GABRA2: variants seen among roughly 807,000 people sequenced by gnomAD.
GABRA2 encodes the protein gamma-aminobutyric acid type A receptor subunit alpha2, also known as gamma-aminobutyric acid receptor subunit alpha-2.
GABRA2 carries 16 observed loss-of-function variants against 48.7 expected under a neutral mutation model. The observed-to-expected ratio is 0.33, with a 90% CI of 0.22 to 0.50. The LOEUF is 0.50. GABRA2 is among the 20% of genes least tolerant of loss of function. The pLI is 0.98. For synonymous variants in GABRA2, 185 were observed against 184.5 expected, an observed-to-expected ratio of 1.00 and a Z score of -0.02; for missense variants, 275 against 535.6, an observed-to-expected ratio of 0.51 and a Z score of 4.80.
At chr4:46,267,383 G>A (rs1336942263) in intron 8 of GABRA2, among the ~76,000 whole-genome samples, 1 of 151,970 alleles carries the variant, frequency 6.6e-6, no homozygotes, top group African/African-American at 2.4e-5. Flanking sequence ...TCTTTCGACA[G>A]GGTCTCCTTT....
intron 8 of GABRA2, among the ~76,000 whole-genome samples, chr4:46,280,472 C>T (rs1371954584): frequency 1.3e-5 from 2 of 152,048 alleles, no homozygotes; most frequent in East Asian, 1.9e-4. Flanking sequence ...AGGGAGTTTG[C>T]GCCACATAAG....
At chr4:46,351,995 A>ACT (rs34964858) in intron 3 of GABRA2, among the ~76,000 whole-genome samples, 93,991 of 150,628 alleles carry the variant, frequency 0.62, 30,022 homozygotes, top group African/African-American at 0.76. Context: ...TTACCTGTCC[A>ACT]CTTACTTGTT....
At chr4:46,270,349 C>A (rs1219429962) in intron 8 of GABRA2, among the ~76,000 whole-genome samples, 2 of 151,912 alleles carry the variant, frequency 1.3e-5, no homozygotes, top group Non-Finnish European at 2.9e-5. Context: ...TTGGCGTAGC[C>A]TGGTCTCATG....
chr4:46,369,774 A>G (rs1410831342), intron 3 of GABRA2, among the ~76,000 whole-genome samples: 3 of 152,136 alleles, frequency 2.0e-5, no homozygotes, highest in Admixed American at 1.3e-4. Context: ...TGTATGATAG[A>G]ATTACAAAAC....
At chr4:46,361,274 G>T (rs981621225) in intron 3 of GABRA2, among the ~76,000 whole-genome samples, 2 of 151,908 alleles carry the variant, frequency 1.3e-5, no homozygotes, top group African/African-American at 2.4e-5. Flanking sequence ...CCTGGCCGAG[G>T]GTCCCCCTGC....
intron 8 of GABRA2, among the ~76,000 whole-genome samples, chr4:46,286,843 T>C (rs576361291): frequency 6.6e-6 from 1 of 152,194 alleles, no homozygotes; most frequent in Non-Finnish European, 1.5e-5. Context: ...CTTCTAGATA[T>C]TAAACCCTAA....
chr4:46,343,642 A>C (rs922026592), intron 3 of GABRA2, among the ~76,000 whole-genome samples: 1 of 151,994 alleles, frequency 6.6e-6, no homozygotes, highest in Non-Finnish European at 1.5e-5. Context: ...GCTAACATGC[A>C]CGCTTTGTAA....
At chr4:46,300,389 T>C (rs1350107524) in intron 8 of GABRA2, among the ~76,000 whole-genome samples, 1 of 151,960 alleles carries the variant, frequency 6.6e-6, no homozygotes, top group East Asian at 1.9e-4. Context: ...TTCCTTATTT[T>C]CTGGTCATTC....
chr4:46,332,562 A>AC lies in GABRA2; in HGVS notation c.255+52dup, dbSNP rs1157889392. On this transcript the variant is annotated intron_variant, in intron 4 of 9. Coordinates refer to ENST00000381620, the MANE Select transcript of GABRA2 (RefSeq NM_000807.4). ...TAAAAATGCTAGTTTATTTGAAATT[A>AC]CCCCCCACTCCCCATTATGTGAAGT... 52 of 990,360 alleles carry AC rather than the reference A, an allele frequency of 5.3e-5. No homozygotes were observed. In the East Asian group the frequency reaches 1.0e-3, roughly 20 times the overall value. 61.3% of individuals were successfully genotyped at this position (990,360 alleles called of 1,614,324 possible). A position where few individuals can be genotyped will look rare whatever the true frequency, so the allele number is the denominator to read the frequency against.
intron 5 of GABRA2, 131 bp downstream of exon 5, chr4:46,312,365 A>G: frequency 1.7e-6 from 1 of 578,610 alleles, no homozygotes. Flanking sequence ...TGCAAAGCAT[A>G]TTATTGGTAC....
At chr4:46,378,694 G>A (rs1451407233) in intron 3 of GABRA2, among the ~76,000 whole-genome samples, 1 of 152,000 alleles carries the variant, frequency 6.6e-6, no homozygotes, top group Non-Finnish European at 1.5e-5. Flanking sequence ...GGGTGTGGTG[G>A]CACACACCTG....
At position 46,296,494 on chromosome 4, in the gene GABRA2, G is replaced by A. The variant is rs1724713696; in HGVS notation, c.856+6966C>T. ...AATCAGTCTACTGCTCCATAGTAGA[G>A]GTAAGGAAGAGCATGCATGTAATAC... On this transcript the variant is annotated intron_variant, in intron 8 of 9. Transcript: ENST00000381620. 1.3e-5 allele frequency among the ~76,000 whole-genome samples: 2 copies of A among 152,028 alleles called. 1 individual carries two copies. The highest frequency in any genetic ancestry group is 4.2e-4 in the South Asian group (2 of 4,806).
intron 8 of GABRA2, among the ~76,000 whole-genome samples, chr4:46,298,858 A>G (rs1725225083): frequency 6.6e-6 from 1 of 151,910 alleles, no homozygotes; most frequent in Non-Finnish European, 1.5e-5. Context: ...TGTAGCAACT[A>G]AAATTGTAGA....
At chr4:46,309,741 T>C (rs150331842) in intron 6 of GABRA2, among the ~76,000 whole-genome samples, 196 of 152,234 alleles carry the variant, frequency 1.3e-3, no homozygotes, top group Admixed American at 3.5e-3. Context: ...TTAGTTACAG[T>C]AGAAGACAAT....
intron 4 of GABRA2, among the ~76,000 whole-genome samples, chr4:46,323,252 C>T (rs980274021): frequency 5.9e-5 from 9 of 151,806 alleles, no homozygotes; most frequent in African/African-American, 1.9e-4. Flanking sequence ...CTTTTCTAAC[C>T]TAATCTCTCC....
intron 8 of GABRA2, among the ~76,000 whole-genome samples, chr4:46,296,268 G>T (rs1304128804): frequency 2.0e-5 from 3 of 152,078 alleles, no homozygotes; most frequent in African/African-American, 4.8e-5. Context: ...CAAAATTTTT[G>T]CTTCCTGTTC....
At chr4:46,267,551 A>G (rs1718502748) in intron 8 of GABRA2, among the ~76,000 whole-genome samples, 1 of 151,938 alleles carries the variant, frequency 6.6e-6, no homozygotes, top group African/African-American at 2.4e-5. Context: ...AAAATTGGAC[A>G]TTAGGAATAC....
At chr4:46,318,034 A>G (rs531351855) in intron 4 of GABRA2, among the ~76,000 whole-genome samples, 117 of 151,710 alleles carry the variant, frequency 7.7e-4, no homozygotes, top group Admixed American at 2.8e-3. Context: ...ATAGCCAATG[A>G]CACATTTCTT....
intron 8 of GABRA2, among the ~76,000 whole-genome samples, chr4:46,264,928 T>C (rs1256559479): frequency 1.3e-5 from 2 of 148,802 alleles, no homozygotes; most frequent in Non-Finnish European, 3.0e-5. Flanking sequence ...GGAATTGTTA[T>C]AGTTAATCTA....
Sources: gnomAD v4.1 joint callset for allele counts (sites outside exome capture counted in the v4.1 genomes callset) on GRCh38, gnomAD v4.1.1 for gene constraint, MANE v1.5 for transcripts, NCBI Gene and HGNC (gene_info 2026-07-23, HGNC 2026-07-21) for gene names.